SPAG9: variants seen among roughly 807,000 people sequenced by gnomAD.
SPAG9 encodes sperm associated antigen 9, also known as C-Jun-amino-terminal kinase-interacting protein 4.
SPAG9 carries 35 observed loss-of-function variants against 166.5 expected under a neutral mutation model. That is an observed-to-expected ratio of 0.21 (90% confidence interval 0.16 to 0.28). SPAG9 has a LOEUF of 0.28. Ranked by LOEUF, SPAG9 falls within the 10% of genes least tolerant of loss-of-function variation. The pLI is 1.00. For synonymous variants in SPAG9, 534 were observed against 565.5 expected, an observed-to-expected ratio of 0.94 and a Z score of 0.79; for missense variants, 1,235 against 1,603.3, an observed-to-expected ratio of 0.77 and a Z score of 3.92.
chr17:51,061,607 G>C (rs1248487558), intron 2 of SPAG9, among the ~76,000 whole-genome samples: 3 of 70,548 alleles, frequency 4.3e-5, no homozygotes, highest in African/African-American at 7.0e-5. Context: ...CGAAAGCTCT[G>C]TCTCCAAAAA....
chr17:51,010,435 A>T (rs1439738240), intron 9 of SPAG9, among the ~76,000 whole-genome samples: 2 of 152,138 alleles, frequency 1.3e-5, no homozygotes, highest in African/African-American at 4.8e-5. Context: ...TAACTAAAAA[A>T]TAACAGTAAA....
intron 24 of SPAG9, among the ~76,000 whole-genome samples, chr17:50,983,725 T>A (rs1039873083): frequency 6.6e-6 from 1 of 152,208 alleles, no homozygotes; most frequent in Non-Finnish European, 1.5e-5. Context: ...TTTCCACTTA[T>A]TAGCTGAGTG....
chr17:50,985,557 G>T, intron 23 of SPAG9, 141 bp downstream of exon 23: 1 of 569,378 alleles, frequency 1.8e-6, no homozygotes, highest in South Asian at 2.1e-5. Context: ...AACTTCTCTA[G>T]TTCCATAAAA....
chr17:51,027,507 G>A (rs1233490940), intron 6 of SPAG9, among the ~76,000 whole-genome samples: 1 of 151,410 alleles, frequency 6.6e-6, no homozygotes, highest in East Asian at 1.9e-4. Context: ...ACACTCATAA[G>A]ATAATACGAT....
At chr17:51,052,794 C>T (rs1376723346) in intron 3 of SPAG9, among the ~76,000 whole-genome samples, 2 of 152,086 alleles carry the variant, frequency 1.3e-5, no homozygotes, top group Non-Finnish European at 2.9e-5. Context: ...CATGGTAGCT[C>T]ACGCCTGTAA....
intron 19 of SPAG9, among the ~76,000 whole-genome samples, chr17:50,991,204 C>T (rs941016206): frequency 1.1e-4 from 17 of 152,000 alleles, no homozygotes; most frequent in African/African-American, 1.7e-4. Flanking sequence ...GCCTAGCCAG[C>T]TTCTGTTCTT....
At chr17:50,994,958 G>T in intron 18 of SPAG9, 99 bp downstream of exon 18, 1 of 803,060 alleles carries the variant, frequency 1.2e-6, no homozygotes, top group East Asian at 2.5e-5. Context: ...CCAGGGCATA[G>T]TAATCCCAAT....
chr17:51,090,514 A>T (rs1307833859), intron 1 of SPAG9, among the ~76,000 whole-genome samples: 1 of 152,168 alleles, frequency 6.6e-6, no homozygotes, highest in Non-Finnish European at 1.5e-5. Context: ...TCAAAAAAAA[A>T]GATTACATTC....
At chr17:51,116,145 A>C (rs2049282408) in intron 1 of SPAG9, among the ~76,000 whole-genome samples, 1 of 152,056 alleles carries the variant, frequency 6.6e-6, no homozygotes, top group Non-Finnish European at 1.5e-5. Context: ...TCCCGGGTTC[A>C]AGCAATTCTT....
chr17:51,046,915 T>A, intron 4 of SPAG9: 1 of 1,495,516 alleles, frequency 6.7e-7, no homozygotes. Flanking sequence ...TTAACTATTT[T>A]CCCCTCCACT....
chr17:51,077,360 G>C (rs191054396), intron 2 of SPAG9, among the ~76,000 whole-genome samples: 1 of 152,030 alleles, frequency 6.6e-6, no homozygotes, highest in Non-Finnish European at 1.5e-5. Context: ...GACCTCAGGT[G>C]ATTCGCCCGC....
At position 51,031,527 on chromosome 17, in the gene SPAG9, C is replaced by G; in HGVS notation, c.783+154G>C. 6 of 642,502 alleles carry G rather than the reference C, an allele frequency of 9.3e-6. No homozygotes were observed. In the South Asian group the frequency reaches 1.1e-4, roughly 12 times the overall value. The allele number at this position is 642,502 out of a possible 1,614,324, so 39.8% of individuals were successfully genotyped here. A position where few individuals can be genotyped will look rare whatever the true frequency, so the allele number is the denominator to read the frequency against. Reference sequence around the variant, plus strand: ...TGCAGTAAAGCCCTGACAACCACTACAGTGGAAATAATTTTCTTTTATATT... The same window carrying G: ...TGCAGTAAAGCCCTGACAACCACTAGAGTGGAAATAATTTTCTTTTATATT... On this transcript the variant is annotated intron_variant, in intron 6 of 29. Transcript: ENST00000262013.
chr17:51,000,515 C>A (rs1023746090), intron 13 of SPAG9, among the ~76,000 whole-genome samples: 1 of 152,066 alleles, frequency 6.6e-6, no homozygotes, highest in East Asian at 1.9e-4. Context: ...GGGCGGATCA[C>A]TTGAGGTCAA....
At chr17:51,119,164 T>C (rs1479109893) in intron 1 of SPAG9, among the ~76,000 whole-genome samples, 2 of 152,248 alleles carry the variant, frequency 1.3e-5, no homozygotes, top group Admixed American at 1.3e-4. Flanking sequence ...AAAGAACTAT[T>C]TAACCAGATG....
chr17:50,987,333 T>C (rs1975127698), intron 21 of SPAG9, 96 bp from the exon 22 acceptor site: 1 of 1,116,222 alleles, frequency 9.0e-7, no homozygotes, highest in Non-Finnish European at 1.3e-6. Flanking sequence ...GTTTGTTCAT[T>C]TGTTTATTAT....
chr17:51,082,924 T>C (rs2048207594), intron 1 of SPAG9, among the ~76,000 whole-genome samples: 1 of 152,120 alleles, frequency 6.6e-6, no homozygotes, highest in South Asian at 2.1e-4. Context: ...CCCAACTCCC[T>C]AGGGGTGGGC....
rs759305578 is a variant in SPAG9 at position 50,970,792 on chromosome 17, T to C, written c.3765A>G (p.Pro1255=). 6.2e-6 allele frequency: 10 copies of C among 1,614,152 alleles called. No homozygotes were observed. The highest frequency in any genetic ancestry group is 2.2e-5 in the East Asian group (1 of 44,870). The change falls in exon 29 of 30, where the codon CCA becomes CCG. Residue 1255 remains proline, a synonymous_variant. Transcript: ENST00000262013. The part of the protein sequence containing the change: ...GTDLTGDKAG[P]SAQEPGSQTP... ...TCTGACTACCAGGCTCCTGTGCAGA[T>C]GGCCCTGCTTTGTCACCCGTCAGAT...
intron 12 of SPAG9, among the ~76,000 whole-genome samples, chr17:51,004,424 C>T (rs1029327920): frequency 2.6e-5 from 4 of 152,146 alleles, no homozygotes; most frequent in African/African-American, 9.7e-5. Context: ...TGACCTTTGA[C>T]CTGCAAACAT....
chr17:51,043,401 C>T (rs755430710), intron 4 of SPAG9, among the ~76,000 whole-genome samples: 15 of 152,256 alleles, frequency 9.9e-5, no homozygotes, highest in East Asian at 3.9e-4. Flanking sequence ...ACCTATTGTA[C>T]ACATACACAT....
Sources: gnomAD v4.1 joint callset for allele counts (sites outside exome capture counted in the v4.1 genomes callset) on GRCh38, gnomAD v4.1.1 for gene constraint, MANE v1.5 for transcripts, NCBI Gene and HGNC (gene_info 2026-07-23, HGNC 2026-07-21) for gene names.